Variants in FOXN1 observed in about 807,000 individuals in gnomAD.
FOXN1 encodes the protein forkhead box protein N1.
Under a neutral mutation model 49.0 loss-of-function variants are expected in FOXN1, and 15 were observed. The ratio of observed to expected loss-of-function variants is 0.31; its 90% CI spans 0.20 to 0.47. The LOEUF (loss-of-function observed/expected upper bound fraction) is 0.47. FOXN1 is among the 20% of genes least tolerant of loss of function. The probability of loss-of-function intolerance (pLI) is 1.00; values close to 1 mark genes in which losing one functional copy is unlikely to be tolerated. For missense variants in FOXN1, 800 were observed against 842.8 expected (o/e 0.95, Z 0.63); for synonymous variants, 356 against 369.0 (o/e 0.96, Z 0.40).
At chr17:28,527,398 C>T in intron 4 of FOXN1, 37 bp downstream of exon 4, 3 of 1,179,244 alleles carry the variant, frequency 2.5e-6, no homozygotes, top group Non-Finnish European at 3.8e-6. Flanking sequence ...TCCCCCAGGT[C>T]TGAGGATATC....
rs1597571138 is a variant in FOXN1 at position 28,537,160 on chromosome 17, C to A, written c.1671C>A (p.Asp557Glu). ...EQLKDDSLAL[D>E]PLVLVTSSPT... ...TGAAGGATGATAGCTTGGCCCTCGA[C>A]CCCCTGGTACTGGTGACCTCATCCC... The change falls in exon 9 of 9, where the codon GAC becomes GAA. Residue 557 changes from aspartate to glutamate, a missense_variant. Around this residue, in one of 3 missense-constraint regions of FOXN1, gnomAD observed 344 missense variants for 366.1 expected, o/e 0.94. Coordinates refer to ENST00000579795, the MANE Select transcript of FOXN1 (RefSeq NM_001369369.1). 3 of 1,614,012 alleles carry A rather than the reference C, an allele frequency of 1.9e-6. No individual in the cohort carries two copies. The highest frequency in any genetic ancestry group is 2.5e-6 in the Non-Finnish European group (3 of 1,179,894).
intron 2 of FOXN1, 44 bp from the exon 3 acceptor site, chr17:28,524,459 G>T: frequency 6.5e-7 from 1 of 1,548,646 alleles, no homozygotes; most frequent in South Asian, 1.1e-5. Context: ...CCCCAGGCCT[G>T]GTTCAGCCTC....
intron 1 of FOXN1, among the ~76,000 whole-genome samples, chr17:28,519,208 G>A (rs1597543152): frequency 6.6e-6 from 1 of 152,146 alleles, no homozygotes; most frequent in African/African-American, 2.4e-5. Context: ...GTGCACACCT[G>A]TAATCTCAGC....
chr17:28,537,564 G>C lies in FOXN1; in HGVS notation c.*128G>C. The C allele has an allele frequency of 1.3e-6, 1 of 754,004 alleles. No homozygotes were observed. The highest frequency in any genetic ancestry group is 2.3e-6 in the Non-Finnish European group (1 of 432,930). The allele number at this position is 754,004 out of a possible 1,614,324, so 46.7% of individuals were successfully genotyped here. On this transcript the variant is annotated 3_prime_UTR_variant, in exon 9 of 9. Transcript: ENST00000579795. ...CTGTCCCCTATGCCACTAAGCCAAC[G>C]TGTGTGTCAGCTGGTAGCTGGGGGC...
Position 28,529,144 on chromosome 17 carries a change from C to T in FOXN1, c.750C>T (p.His250=), listed in dbSNP as rs760771388. Reference sequence around the variant, plus strand: ...CCATACCCTACCTGGGCTCCTCACACTATCAGTACCAGCGAATGGCACCCC... The same window carrying T: ...CCATACCCTACCTGGGCTCCTCACATTATCAGTACCAGCGAATGGCACCCC... The part of the protein sequence containing the change: ...SYPIPYLGSS[H]YQYQRMAPQA... Residue 250 remains histidine, a synonymous_variant, in exon 5 of 9, where the codon CAC becomes CAT. Coordinates refer to ENST00000579795, the MANE Select transcript of FOXN1 (RefSeq NM_001369369.1). 6.2e-7 allele frequency: 1 copy of T among 1,614,070 alleles called. No homozygotes were observed. The highest frequency in any genetic ancestry group is 2.2e-5 in the East Asian group (1 of 44,902).
rs144886981 is a variant in FOXN1, at chr17:28,513,035, A to G, written c.-15+6592A>G. On this transcript the variant is annotated intron_variant, in intron 1 of 8. Coordinates refer to ENST00000579795, the MANE Select transcript of FOXN1 (RefSeq NM_001369369.1). ...AGCATTTCTTGTTTCCTTGAAACCA[A>G]ACACCCCTTTCTTTCCATCTACAAA... Among the ~76,000 whole-genome samples the G allele has an allele frequency of 1.9e-3, 288 of 152,284 alleles. 1 individual carries two copies. The highest frequency in any genetic ancestry group is 6.6e-3 in the African/African-American group (273 of 41,540).
chr17:28,519,364 G>A (rs1010918900), intron 1 of FOXN1, among the ~76,000 whole-genome samples: 3 of 152,022 alleles, frequency 2.0e-5, no homozygotes, highest in African/African-American at 4.8e-5. Context: ...ACTTCAGAGT[G>A]CACTGCAGAT....
intron 4 of FOXN1, among the ~76,000 whole-genome samples, chr17:28,528,241 A>G (rs992118751): frequency 1.3e-5 from 2 of 152,192 alleles, no homozygotes; most frequent in Admixed American, 1.3e-4. Flanking sequence ...GCATGAGAGG[A>G]CATCCTCTCT....
Position 28,537,184 on chromosome 17 carries a change from C to T in FOXN1, c.1695C>T (p.Ser565=). 6.2e-7 allele frequency: 1 copy of T among 1,613,962 alleles called. No homozygotes were observed. The highest frequency in any genetic ancestry group is 8.5e-7 in the Non-Finnish European group (1 of 1,179,878). The change falls in exon 9 of 9, where the codon TCC becomes TCT. Residue 565 remains serine (S), a synonymous_variant. Transcript: ENST00000579795. ...ALDPLVLVTS[S]PTSSSMPPPQ... ...ACCCCCTGGTACTGGTGACCTCATC[C>T]CCGACATCATCTTCGATGCCACCAC... is the stretch of plus-strand genomic sequence containing the variant.
chr17:28,537,011 C>A, intron 8 of FOXN1, 106 bp from the exon 9 acceptor site: 1 of 900,118 alleles, frequency 1.1e-6, no homozygotes, highest in Non-Finnish European at 1.9e-6. Context: ...CACATGTCAC[C>A]CTGACCCCTG....
chr17:28,526,923 G>A (rs2069782827), intron 3 of FOXN1, among the ~76,000 whole-genome samples: 1 of 152,112 alleles, frequency 6.6e-6, no homozygotes, highest in Non-Finnish European at 1.5e-5. Flanking sequence ...GTCGAGTGAG[G>A]TCAGCACCGT....
chr17:28,522,333 G>A (rs2069657931), intron 1 of FOXN1, among the ~76,000 whole-genome samples: 2 of 152,192 alleles, frequency 1.3e-5, no homozygotes, highest in African/African-American at 4.8e-5. Flanking sequence ...AGGTGGTAAA[G>A]GAAGGCAAAA....
Position 28,537,648 on chromosome 17 carries a change from C to T in FOXN1, c.*212C>T. ...ACATTTCTGCCACGTGGTGGCCCAGCTCCTCACCCAGGGCCCCCAAAGAGC... is the reference window on the plus strand; with the variant it reads ...ACATTTCTGCCACGTGGTGGCCCAGTTCCTCACCCAGGGCCCCCAAAGAGC... On this transcript the variant is annotated 3_prime_UTR_variant, in exon 9 of 9. Transcript: ENST00000579795. 1.6e-6 allele frequency: 1 copy of T among 627,100 alleles called. No individual in the cohort carries two copies. Among genetic ancestry groups the T allele is most frequent in the Non-Finnish European group, 2.9e-6 (1 of 345,774 alleles). 38.8% of individuals were successfully genotyped at this position (627,100 alleles called of 1,614,324 possible). A position where few individuals can be genotyped will look rare whatever the true frequency, so the allele number is the denominator to read the frequency against.
At chr17:28,528,885 G>A (rs2069837333) in intron 4 of FOXN1, among the ~76,000 whole-genome samples, 1 of 152,210 alleles carries the variant, frequency 6.6e-6, no homozygotes, top group Non-Finnish European at 1.5e-5. Flanking sequence ...GAGGAAGAGG[G>A]TTTTAAGGCC....
At chr17:28,518,346 A>G (rs930356280) in intron 1 of FOXN1, among the ~76,000 whole-genome samples, 18 of 152,226 alleles carry the variant, frequency 1.2e-4, no homozygotes, top group Admixed American at 6.5e-5. Flanking sequence ...GAGTTATCCA[A>G]CATCACACAG....
chr17:28,513,220 G>C (rs1304961838), intron 1 of FOXN1, among the ~76,000 whole-genome samples: 1 of 152,260 alleles, frequency 6.6e-6, no homozygotes, highest in South Asian at 2.1e-4. Context: ...AGTGAGCCAA[G>C]ATTGCACCAC....
intron 1 of FOXN1, among the ~76,000 whole-genome samples, chr17:28,508,767 G>A (rs1187955161): frequency 3.9e-5 from 6 of 152,116 alleles, no homozygotes; most frequent in African/African-American, 1.4e-4. Flanking sequence ...ACTTCTGCCT[G>A]CCTCCCCATC....
At chr17:28,526,820 C>A (rs1260751249) in intron 3 of FOXN1, among the ~76,000 whole-genome samples, 2 of 152,214 alleles carry the variant, frequency 1.3e-5, no homozygotes, top group African/African-American at 4.8e-5. Flanking sequence ...CTCCCCTCAC[C>A]ATGGATCCTC....
At chr17:28,512,363 G>T (rs1201355960) in intron 1 of FOXN1, among the ~76,000 whole-genome samples, 1 of 152,208 alleles carries the variant, frequency 6.6e-6, no homozygotes, top group African/African-American at 2.4e-5. Context: ...CAGGCAACAA[G>T]TTCCTCCTTC....
Sources: gnomAD v4.1 joint callset for allele counts (sites outside exome capture counted in the v4.1 genomes callset) on GRCh38, gnomAD v4.1.1 for gene constraint, gnomAD v4.1.1 regional missense constraint, MANE v1.5 for transcripts, NCBI Gene and HGNC (gene_info 2026-07-23, HGNC 2026-07-21) for gene names.